The following GMDS variants were observed in gnomAD, a reference collection of about 807,000 sequenced individuals.
The protein encoded by GMDS is GDP-mannose 4,6-dehydratase.
A neutral mutation model predicts 49.9 loss-of-function variants in GMDS; 20 were observed. The observed-to-expected ratio is 0.40, with a 90% confidence interval of 0.28 to 0.58. The LOEUF (loss-of-function observed/expected upper bound fraction) is 0.58. Ranked by LOEUF, GMDS falls within the 20% of genes least tolerant of loss-of-function variation. GMDS has a pLI of 0.42. For missense variants in GMDS, 362 were observed against 481.4 expected, an observed-to-expected ratio of 0.75 and a Z score of 2.32; for synonymous variants, 177 against 178.6, an observed-to-expected ratio of 0.99 and a Z score of 0.07.
intron 4 of GMDS, among the ~76,000 whole-genome samples, chr6:2,099,594 AT>A (rs1289159635): frequency 1.2e-4 from 19 of 152,248 alleles, no homozygotes; most frequent in African/African-American, 4.1e-4. Flanking sequence ...TATAGAAAAT[AT>A]TCACATACTA....
chr6:2,048,006 G>A (rs1272584039), intron 4 of GMDS, among the ~76,000 whole-genome samples: 1 of 152,082 alleles, frequency 6.6e-6, no homozygotes. Flanking sequence ...TTCATACTGA[G>A]TAACAGCACT....
chr6:1,912,413 C>G (rs1388471631), intron 7 of GMDS, among the ~76,000 whole-genome samples: 3 of 152,160 alleles, frequency 2.0e-5, no homozygotes, highest in Non-Finnish European at 4.4e-5. Context: ...GTGGGGAGCA[C>G]TCCAACTTTT....
At position 2,132,162 on chromosome 6, in the gene GMDS, T is replaced by C. The variant is rs537076804; in HGVS notation, c.103-7431A>G. Among the ~76,000 whole-genome samples the C allele has an allele frequency of 1.1e-4, 16 of 152,300 alleles. No homozygotes were observed. The South Asian group carries it at 3.3e-3, about 32-fold the overall frequency. On this transcript the variant is annotated intron_variant, in intron 1 of 10. Transcript: ENST00000380815. ...TAATAGTTAGTAGGTAGAACAAGGA[T>C]TTAAACTATGTCTACTTGTAATACA...
At chr6:1,920,509 G>A in intron 7 of GMDS, among the ~76,000 whole-genome samples, 1 of 152,214 alleles carries the variant, frequency 6.6e-6, no homozygotes, top group East Asian at 1.9e-4. Context: ...GCAAAAGACT[G>A]CCTTGATTGC....
chr6:2,110,201 C>A (rs564795732), intron 4 of GMDS, among the ~76,000 whole-genome samples: 7 of 151,964 alleles, frequency 4.6e-5, no homozygotes, highest in South Asian at 4.2e-4. Context: ...GCCCTTCCCC[C>A]CCATAATGCA....
At position 2,123,436 on chromosome 6, in the gene GMDS, C is replaced by T. The variant is rs116997771; in HGVS notation, c.147+1251G>A. On this transcript the variant is annotated intron_variant, in intron 2 of 10. Transcript: ENST00000380815. ...AGCTAGCTCATTTTCTAGGTTCACT[C>T]GATACACAACAACATCACTAATTCC... 1.9e-3 allele frequency among the ~76,000 whole-genome samples: 294 copies of T among 152,280 alleles called. 1 individual carries two copies. The East Asian group carries it at 0.026, about 14-fold the overall frequency.
intron 9 of GMDS, among the ~76,000 whole-genome samples, chr6:1,696,606 GC>G (rs66638348): frequency 0.065 from 9,880 of 152,322 alleles, 393 homozygotes; most frequent in South Asian, 0.094. Context: ...CTCAAGACAA[GC>G]TAAGGCAGAA....
At chr6:1,988,612 C>A (rs1561950510) in intron 4 of GMDS, among the ~76,000 whole-genome samples, 1 of 152,110 alleles carries the variant, frequency 6.6e-6, no homozygotes, top group Non-Finnish European at 1.5e-5. Context: ...TGTAATAATG[C>A]CATGTCCTGT....
intron 7 of GMDS, among the ~76,000 whole-genome samples, chr6:1,787,432 C>T (rs994784038): frequency 6.6e-6 from 1 of 152,144 alleles, no homozygotes; most frequent in Admixed American, 6.5e-5. Flanking sequence ...CACGAGAGGC[C>T]CCATTCACTA....
rs564679089 is a variant in GMDS, at chr6:1,683,252, T to C, written c.987+43164A>G. 7.9e-5 allele frequency among the ~76,000 whole-genome samples: 12 copies of C among 152,160 alleles called. No homozygotes were observed. The South Asian group carries it at 2.1e-3, about 26-fold the overall frequency. ...CATTCTCCTGCCTCAGCCTCCCGAGTAGCTGGGACTACAGGCGCCCGCCAC... is the reference window on the plus strand; with the variant it reads ...CATTCTCCTGCCTCAGCCTCCCGAGCAGCTGGGACTACAGGCGCCCGCCAC... On this transcript the variant is annotated intron_variant, in intron 9 of 10. Coordinates refer to ENST00000380815, the MANE Select transcript of GMDS (RefSeq NM_001500.4).
intron 9 of GMDS, among the ~76,000 whole-genome samples, chr6:1,642,153 CTTT>C (rs543577735): frequency 0.065 from 7,231 of 110,674 alleles, 241 homozygotes; most frequent in Admixed American, 0.12. Flanking sequence ...CAGTTTCCAT[CTTT>C]TTTTTTTTTT....
At chr6:2,197,717 T>C (rs890396545) in intron 1 of GMDS, among the ~76,000 whole-genome samples, 13 of 152,126 alleles carry the variant, frequency 8.5e-5, no homozygotes, top group Non-Finnish European at 2.9e-5. Context: ...TGGCTTTAAT[T>C]TTCCACACTT....
At chr6:2,030,177 A>C (rs189108367) in intron 4 of GMDS, among the ~76,000 whole-genome samples, 11 of 152,326 alleles carry the variant, frequency 7.2e-5, no homozygotes, top group African/African-American at 2.4e-4. Context: ...CATCTCCTCC[A>C]CAAGAGTCTG....
chr6:1,642,529 A>T (rs1763363209), intron 9 of GMDS, among the ~76,000 whole-genome samples: 1 of 152,154 alleles, frequency 6.6e-6, no homozygotes, highest in Non-Finnish European at 1.5e-5. Flanking sequence ...TTGTCTGAAA[A>T]TTTTGGTTTT....
chr6:1,784,219 C>T (rs1211450902), intron 7 of GMDS, among the ~76,000 whole-genome samples: 1 of 151,760 alleles, frequency 6.6e-6, no homozygotes, highest in African/African-American at 2.4e-5. Context: ...TGGTGAAACC[C>T]CGTCTCTACT....
intron 1 of GMDS, among the ~76,000 whole-genome samples, chr6:2,182,729 A>G (rs776891090): frequency 6.6e-6 from 1 of 152,332 alleles, no homozygotes; most frequent in African/African-American, 2.4e-5. Context: ...TCTTTGAGAC[A>G]GAGTATCACT....
At chr6:1,769,796 T>C (rs1768506665) in intron 7 of GMDS, among the ~76,000 whole-genome samples, 1 of 152,130 alleles carries the variant, frequency 6.6e-6, no homozygotes, top group Non-Finnish European at 1.5e-5. Flanking sequence ...GCGTGATCTC[T>C]GCTCACTGCA....
At chr6:1,819,779 AT>A (rs34313317) in intron 7 of GMDS, among the ~76,000 whole-genome samples, 7,522 of 87,276 alleles carry the variant, frequency 0.086, 257 homozygotes, top group East Asian at 0.21. Context: ...AAAAAAAAAT[AT>A]ATATATATAT....
chr6:1,946,444 A>T (rs1763076662), intron 6 of GMDS, among the ~76,000 whole-genome samples: 1 of 152,238 alleles, frequency 6.6e-6, no homozygotes, highest in Admixed American at 6.5e-5. Context: ...GGGGATTAAA[A>T]GAGATGAGTG....
Sources: gnomAD v4.1 joint callset for allele counts (sites outside exome capture counted in the v4.1 genomes callset) on GRCh38, gnomAD v4.1.1 for gene constraint, MANE v1.5 for transcripts, NCBI Gene and HGNC (gene_info 2026-07-23, HGNC 2026-07-21) for gene names.